The following BCAT1 variants were observed in gnomAD, a reference collection of about 807,000 sequenced individuals.
BCAT1 encodes branched chain amino acid transaminase 1.
A neutral mutation model predicts 52.4 loss-of-function variants in BCAT1; 48 were observed. That is an observed-to-expected ratio of 0.92 (90% CI 0.73 to 1.16). The LOEUF (loss-of-function observed/expected upper bound fraction) is 1.16, where lower values mean the gene tolerates loss of function less well. Ranked by LOEUF, BCAT1 falls within the 50% of genes most tolerant of loss-of-function variation. BCAT1 has a pLI of 0.00. For synonymous variants in BCAT1, 167 were observed against 161.3 expected, an observed-to-expected ratio of 1.04 and a Z score of -0.27; for missense variants, 451 against 457.1, an observed-to-expected ratio of 0.99 and a Z score of 0.12.
chr12:24,929,398 A>G (rs1435194813), intron 1 of BCAT1, among the ~76,000 whole-genome samples: 1 of 152,234 alleles, frequency 6.6e-6, no homozygotes, highest in African/African-American at 2.4e-5. Flanking sequence ...CCATCCCAAA[A>G]TATGACCAGA....
At chr12:24,879,417 TA>T (rs1942433260) in intron 4 of BCAT1, among the ~76,000 whole-genome samples, 1 of 152,202 alleles carries the variant, frequency 6.6e-6, no homozygotes, top group East Asian at 1.9e-4. Flanking sequence ...TGATACTTCA[TA>T]AAATAATTTA....
intron 5 of BCAT1, among the ~76,000 whole-genome samples, chr12:24,852,569 TCTC>T (rs1207008473): frequency 6.6e-6 from 1 of 152,216 alleles, no homozygotes; most frequent in Non-Finnish European, 1.5e-5. Context: ...TTCATTTTCT[TCTC>T]CTGATTTTGA....
chr12:24,919,928 G>C (rs1943478172), intron 1 of BCAT1, among the ~76,000 whole-genome samples: 1 of 152,258 alleles, frequency 6.6e-6, no homozygotes, highest in African/African-American at 2.4e-5. Flanking sequence ...GCCACCACCA[G>C]GTAAGAAGTG....
In BCAT1 at chr12:24,836,526, G is replaced by C; in HGVS notation, c.888C>G (p.Asp296Glu). 6.2e-7 allele frequency: 1 copy of C among 1,612,802 alleles called. No individual in the cohort carries two copies. Among genetic ancestry groups the C allele is most frequent in the Non-Finnish European group, 8.5e-7 (1 of 1,179,440 alleles). The change falls in exon 8 of 11, where the codon GAC (aspartate) becomes GAG (glutamate). Residue 296 changes from aspartate to glutamate, a missense_variant. Transcript: ENST00000261192. ...LPGVTRRCIL[D>E]LAHQWGEFKV... ...AGGCACCCACCCACTGATGTGCCAG[G>C]TCCAGAATGCACCGCCTTGTCACTC...
intron 5 of BCAT1, among the ~76,000 whole-genome samples, chr12:24,865,168 C>CA (rs1188486890): frequency 6.6e-6 from 1 of 152,148 alleles, no homozygotes; most frequent in Non-Finnish European, 1.5e-5. Context: ...GAATCTATCC[C>CA]TTAAATTCCA....
chr12:24,864,574 T>A (rs1941949459), intron 5 of BCAT1, among the ~76,000 whole-genome samples: 1 of 152,074 alleles, frequency 6.6e-6, no homozygotes. Flanking sequence ...ATGTGAGAAA[T>A]CTTTTGAACA....
At chr12:24,849,511 T>C (rs1244634601) in intron 6 of BCAT1, among the ~76,000 whole-genome samples, 1 of 152,226 alleles carries the variant, frequency 6.6e-6, no homozygotes, top group East Asian at 1.9e-4. Context: ...AGTTCTTCCC[T>C]AGATATCATA....
chr12:24,912,636 G>A (rs1943346940), intron 1 of BCAT1, among the ~76,000 whole-genome samples: 1 of 151,392 alleles, frequency 6.6e-6, no homozygotes, highest in Non-Finnish European at 1.5e-5. Flanking sequence ...AAGCTGAGGT[G>A]AGAGGATTGC....
At chr12:24,860,954 G>A (rs372230212) in intron 5 of BCAT1, among the ~76,000 whole-genome samples, 11 of 152,266 alleles carry the variant, frequency 7.2e-5, no homozygotes, top group Middle Eastern at 3.4e-3. Flanking sequence ...AAAAGCCTAC[G>A]TGGCAAATAA....
At chr12:24,858,073 C>T (rs1412254001) in intron 5 of BCAT1, among the ~76,000 whole-genome samples, 2 of 152,148 alleles carry the variant, frequency 1.3e-5, no homozygotes, top group Middle Eastern at 3.2e-3. Flanking sequence ...ATCTGTTTTG[C>T]CTTCTAACTG....
intron 1 of BCAT1, among the ~76,000 whole-genome samples, chr12:24,910,914 G>A (rs1230558833): frequency 6.6e-6 from 1 of 152,122 alleles, no homozygotes; most frequent in African/African-American, 2.4e-5. Context: ...GACCAGCCTG[G>A]CCAACATGGT....
chr12:24,851,165 A>C (rs906150589), intron 5 of BCAT1, among the ~76,000 whole-genome samples: 1 of 152,216 alleles, frequency 6.6e-6, no homozygotes, highest in Non-Finnish European at 1.5e-5. Context: ...TGAAGTAAAA[A>C]AACAAGGCAG....
chr12:24,822,070 T>C (rs1347211151), intron 10 of BCAT1, among the ~76,000 whole-genome samples: 2 of 152,060 alleles, frequency 1.3e-5, no homozygotes, highest in African/African-American at 4.8e-5. Flanking sequence ...AGTAAGGAAT[T>C]TAACAGTAGA....
chr12:24,938,021 G>A (rs1247409140), intron 1 of BCAT1, among the ~76,000 whole-genome samples: 3 of 152,136 alleles, frequency 2.0e-5, no homozygotes, highest in Non-Finnish European at 4.4e-5. Context: ...GAAGGGGAAT[G>A]GGCCATCCAC....
At chr12:24,854,171 A>T (rs1941597720) in intron 5 of BCAT1, among the ~76,000 whole-genome samples, 1 of 152,220 alleles carries the variant, frequency 6.6e-6, no homozygotes, top group African/African-American at 2.4e-5. Flanking sequence ...AAATTACTTT[A>T]TCAAAAGGCA....
In BCAT1 at chr12:24,813,165, C is replaced by G. The variant is rs1939746329; in HGVS notation, c.*4843G>C. 6.6e-6 allele frequency: 1 copy of G among 152,010 alleles called. No homozygotes were observed. Among genetic ancestry groups the G allele is most frequent in the Admixed American group, 6.6e-5 (1 of 15,256 alleles). The allele number at this position is 152,010 out of a possible 1,614,324, so 9.4% of individuals were successfully genotyped here. On this transcript the variant is annotated 3_prime_UTR_variant, in exon 11 of 11. Transcript: ENST00000261192. Reference sequence around the variant, plus strand: ...CCAGGAAATTATTTACCCACAAACACTACTATAACTACTATACTCTGTTGA... The same window carrying G: ...CCAGGAAATTATTTACCCACAAACAGTACTATAACTACTATACTCTGTTGA...
intron 1 of BCAT1, among the ~76,000 whole-genome samples, chr12:24,948,341 C>T (rs1295965385): frequency 6.6e-6 from 1 of 152,230 alleles, no homozygotes; most frequent in Non-Finnish European, 1.5e-5. Context: ...CATTAGGGTG[C>T]TCACTGGTTT....
intron 7 of BCAT1, among the ~76,000 whole-genome samples, chr12:24,836,957 A>AG (rs1337640763): frequency 0.011 from 768 of 71,580 alleles, 22 homozygotes; most frequent in Middle Eastern, 0.036. Context: ...AAAGAAAGAA[A>AG]AGAGAAAGAA....
Position 24,812,362 on chromosome 12 carries a change from T to G in BCAT1, c.*5646A>C, listed in dbSNP as rs1485290820. 1 of 152,062 alleles carries G rather than the reference T, an allele frequency of 6.6e-6. No individual in the cohort carries two copies. The highest frequency in any genetic ancestry group is 2.4e-5 in the African/African-American group (1 of 41,442). 9.4% of individuals were successfully genotyped at this position (152,062 alleles called of 1,614,324 possible). The stretch of plus-strand genomic sequence containing the variant: ...CTTCTTGTCTAAACTTATTATTTTA[T>G]TTGGCCTCAAGAAGCTTCATGGATC... On this transcript the variant is annotated 3_prime_UTR_variant, in exon 11 of 11. Coordinates refer to ENST00000261192, the MANE Select transcript of BCAT1 (RefSeq NM_005504.7).
Sources: allele counts gnomAD v4.1 joint callset (sites outside exome capture counted in the v4.1 genomes callset), GRCh38; gene constraint gnomAD v4.1.1; transcripts MANE v1.5; gene names NCBI Gene and HGNC (gene_info 2026-07-23, HGNC 2026-07-21).